Variants in TXNDC11 observed in about 807,000 individuals in gnomAD.
TXNDC11 encodes thioredoxin domain containing 11, also known as thioredoxin domain-containing protein 11.
Under a neutral mutation model 78.0 loss-of-function variants are expected in TXNDC11, and 68 were observed. The ratio of observed to expected loss-of-function variants is 0.87; its 90% CI spans 0.72 to 1.07. The LOEUF is 1.07. Ranked by LOEUF, TXNDC11 falls within the 50% of genes least tolerant of loss-of-function variation. The pLI, the probability that TXNDC11 is intolerant of heterozygous loss-of-function variation, is 0.00. For synonymous variants in TXNDC11, 571 were observed against 495.2 expected (o/e 1.15, Z -2.03); for missense variants, 1,389 against 1,221.8 (o/e 1.14, Z -2.04).
chr16:11,742,709 C>A lies in TXNDC11; in HGVS notation c.22G>T (p.Gly8Cys). Residue 8 changes from glycine to cysteine, a missense_variant, in exon 1 of 12, where the codon GGC (glycine) becomes TGC (cysteine). Physicochemically the swap from Gly to Cys is radical, Grantham distance 159. Transcript: ENST00000283033. MSECGGR[G>C]GGSSSSEDAE... is the part of the protein sequence containing the mutation. Reference sequence around the variant, plus strand: ...TCCTCGCTGCTGCTGCTGCCGCCGCCGCGGCCTCCGCATTCCGACATTACA... The same window carrying A: ...TCCTCGCTGCTGCTGCTGCCGCCGCAGCGGCCTCCGCATTCCGACATTACA... The A allele has an allele frequency of 6.8e-7, 1 of 1,481,140 alleles. No individual in the cohort carries two copies. 91.7% of individuals were successfully genotyped at this position (1,481,140 alleles called of 1,614,324 possible). A position where few individuals can be genotyped will look rare whatever the true frequency, so the allele number is the denominator to read the frequency against.
chr16:11,706,079 A>C (rs1207700892), intron 5 of TXNDC11, among the ~76,000 whole-genome samples: 1 of 152,206 alleles, frequency 6.6e-6, no homozygotes, highest in East Asian at 1.9e-4. Context: ...TCTACTCAAA[A>C]AGGTCTAAAA....
intron 5 of TXNDC11, among the ~76,000 whole-genome samples, chr16:11,708,422 C>G (rs2051244838): frequency 6.6e-6 from 1 of 152,164 alleles, no homozygotes; most frequent in Non-Finnish European, 1.5e-5. Context: ...TTAATTCTCT[C>G]TCAGAGGCCT....
At chr16:11,684,747 AG>A (rs566236775) in intron 10 of TXNDC11, among the ~76,000 whole-genome samples, 5 of 152,346 alleles carry the variant, frequency 3.3e-5, no homozygotes, top group Middle Eastern at 3.4e-3. Flanking sequence ...TAACTCACCC[AG>A]CCTGTGCTCA....
chr16:11,703,025 G>C (rs891871915), intron 5 of TXNDC11, among the ~76,000 whole-genome samples: 1 of 152,158 alleles, frequency 6.6e-6, no homozygotes, highest in African/African-American at 2.4e-5. Flanking sequence ...GCCTGGCACT[G>C]AGTAGGCCTT....
intron 5 of TXNDC11, among the ~76,000 whole-genome samples, chr16:11,701,160 G>A (rs1291823461): frequency 1.1e-5 from 1 of 93,870 alleles, no homozygotes; most frequent in Non-Finnish European, 2.0e-5. Flanking sequence ...TTTTTGAGAT[G>A]GAGTCTCGCT....
chr16:11,695,459 GA>G (rs1439912114), intron 7 of TXNDC11, among the ~76,000 whole-genome samples: 1 of 151,458 alleles, frequency 6.6e-6, no homozygotes, highest in Non-Finnish European at 1.5e-5. Context: ...AGGTGGTAAT[GA>G]AAAAGTAAAG....
chr16:11,679,666 G>C lies in TXNDC11; in HGVS notation c.2406C>G (p.His802Gln). ...TCAGTTTCTGGATCTCTCTCTCCAA[G>C]TGGGAGATGTGCCCCCGCTGTAAGA... is the stretch of plus-strand genomic sequence containing the variant. ...EAVLQRGHISHLEREIQKLRA... is the reference protein window; with the variant it reads ...EAVLQRGHISQLEREIQKLRA... The change falls in exon 12 of 12, where the codon CAC becomes CAG. Residue 802 changes from histidine (H) to glutamine (Q), a missense_variant. Coordinates refer to ENST00000283033, the MANE Select transcript of TXNDC11 (RefSeq NM_015914.7). This position sits in a 1 kb window ranked among gnomAD's most constrained non-coding sequence, Gnocchi z 4.6. The C allele has an allele frequency of 6.2e-7, 1 of 1,614,228 alleles. No homozygotes were observed. The highest frequency in any genetic ancestry group is 8.5e-7 in the Non-Finnish European group (1 of 1,180,044).
chr16:11,689,087 CTT>C (rs34967613), intron 8 of TXNDC11, among the ~76,000 whole-genome samples: 10 of 143,050 alleles, frequency 7.0e-5, no homozygotes, highest in South Asian at 2.2e-4. Context: ...TTGAATTTCA[CTT>C]TTTTTTTTTT....
chr16:11,728,283 A>T (rs925210396), intron 4 of TXNDC11, among the ~76,000 whole-genome samples: 1 of 152,228 alleles, frequency 6.6e-6, no homozygotes, highest in African/African-American at 2.4e-5. Context: ...AAATGGTTTC[A>T]CAAGTGTCAC....
In TXNDC11 at chr16:11,688,318, T is replaced by C; in HGVS notation, c.2028A>G (p.Val676=). ...GACTCCATACCTGTTTTTGAAGGAC[T>C]ACTTCCCAAAAGGTATCAGTTGTCA... is the stretch of plus-strand genomic sequence containing the variant. ...TEVTTDTFWE[V]VLQKQDVLLL... Residue 676 remains valine (V), a synonymous_variant, in exon 9 of 12, where the codon GTA becomes GTG. Transcript: ENST00000283033. 1 of 1,614,002 alleles carries C rather than the reference T, an allele frequency of 6.2e-7. No homozygotes were observed. The highest frequency in any genetic ancestry group is 8.5e-7 in the Non-Finnish European group (1 of 1,179,968).
Position 11,684,231 on chromosome 16 carries a change from T to C in TXNDC11, c.2168A>G (p.Gln723Arg), listed in dbSNP as rs767960074. 2.5e-6 allele frequency: 4 copies of C among 1,613,438 alleles called. No individual in the cohort carries two copies. The highest frequency in any genetic ancestry group is 3.3e-5 in the Admixed American group (2 of 60,020). Residue 723 changes from glutamine to arginine, a missense_variant, in exon 11 of 12, where the codon CAG becomes CGG. Transcript: ENST00000283033. The part of the protein sequence containing the change: ...TFTVARIDVS[Q>R]NDLPWEFMVD... Reference sequence around the variant, plus strand: ...CATAAATTCCCAAGGAAGGTCATTCTGAGACACGTCAATCCTGGTAAAGGG... The same window carrying C: ...CATAAATTCCCAAGGAAGGTCATTCCGAGACACGTCAATCCTGGTAAAGGG...
chr16:11,707,946 T>C (rs2051232200), intron 5 of TXNDC11, among the ~76,000 whole-genome samples: 1 of 151,570 alleles, frequency 6.6e-6, no homozygotes, highest in African/African-American at 2.4e-5. Context: ...TCGCTGAGCG[T>C]GATGATGTAA....
intron 7 of TXNDC11, among the ~76,000 whole-genome samples, chr16:11,697,398 C>A (rs1461008055): frequency 6.6e-6 from 1 of 152,176 alleles, no homozygotes; most frequent in South Asian, 2.1e-4. Flanking sequence ...AAAATAAAAA[C>A]CTCAGTAAAT....
At chr16:11,710,168 G>C (rs2051307011) in intron 5 of TXNDC11, among the ~76,000 whole-genome samples, 1 of 150,524 alleles carries the variant, frequency 6.6e-6, no homozygotes, top group African/African-American at 2.4e-5. Flanking sequence ...ATGATCAATT[G>C]AAAAACTTCC....
chr16:11,706,136 G>T (rs1237000972), intron 5 of TXNDC11, among the ~76,000 whole-genome samples: 2 of 152,114 alleles, frequency 1.3e-5, no homozygotes, highest in African/African-American at 4.8e-5. Flanking sequence ...CATTAGCCTG[G>T]TAATTGGCCA....
chr16:11,734,911 T>C (rs2052175780), intron 2 of TXNDC11, among the ~76,000 whole-genome samples: 1 of 152,184 alleles, frequency 6.6e-6, no homozygotes, highest in Non-Finnish European at 1.5e-5. Context: ...AGTGCATACG[T>C]AGGGCAGGGG....
At chr16:11,692,160 C>A (rs992631517) in intron 7 of TXNDC11, 78 bp from the exon 8 acceptor site, 3 of 1,185,246 alleles carry the variant, frequency 2.5e-6, no homozygotes, top group African/African-American at 3.1e-5. Flanking sequence ...GTTTCACTTT[C>A]TGTAATTTCA....
Position 11,742,494 on chromosome 16 carries a change from G to C in TXNDC11, c.237C>G (p.Ala79=), listed in dbSNP as rs2052432485. The C allele has an allele frequency of 1.4e-6, 2 of 1,451,370 alleles. No homozygotes were observed. Among genetic ancestry groups the C allele is most frequent in the Non-Finnish European group, 1.8e-6 (2 of 1,110,188 alleles). The allele number at this position is 1,451,370 out of a possible 1,614,324, so 89.9% of individuals were successfully genotyped here. ...CGCCTCACCTGCAGGTGAACTTGAG[G>C]GCGAGGAGCAGCGCGCAGCCGAGCG... ...AVALGCALLL[A]LKFTCSRAKD... is the part of the protein sequence containing the mutation. Residue 79 remains alanine (A), a synonymous_variant, in exon 1 of 12, where the codon GCC becomes GCG. Transcript: ENST00000283033.
At position 11,721,594 on chromosome 16, in the gene TXNDC11, A is replaced by G. The variant is rs1335428884; in HGVS notation, c.776T>C (p.Leu259Ser). 6.2e-7 allele frequency: 1 copy of G among 1,607,116 alleles called. No homozygotes were observed. Among genetic ancestry groups the G allele is most frequent in the Non-Finnish European group, 8.5e-7 (1 of 1,174,334 alleles). Reference protein sequence around the residue: ...PGYLTFFTSALHSLKKDYLGT... With the variant: ...PGYLTFFTSASHSLKKDYLGT... ...TTTTTTACCTTTCTTTAATGAATGT[A>G]ATGCTGAGGTGAAGAAGGTCAAATA... Residue 259 changes from leucine (L) to serine (S), a missense_variant, in exon 5 of 12, where the codon TTA becomes TCA. Physicochemically the swap from Leu to Ser is moderately radical, Grantham distance 145. Coordinates refer to ENST00000283033, the MANE Select transcript of TXNDC11 (RefSeq NM_015914.7).
Sources: gnomAD v4.1 joint callset for allele counts (sites outside exome capture counted in the v4.1 genomes callset) on GRCh38, gnomAD v4.1.1 for gene constraint, Gnocchi (gnomAD v3.1) non-coding constraint, MANE v1.5 for transcripts, NCBI Gene and HGNC (gene_info 2026-07-23, HGNC 2026-07-21) for gene names.